The following HDGF variants were observed in gnomAD, a reference collection of about 807,000 sequenced individuals.
The protein encoded by HDGF is hepatoma-derived growth factor.
A neutral mutation model predicts 30.0 loss-of-function variants in HDGF; 5 were observed. The ratio of observed to expected loss-of-function variants is 0.17; its 90% CI spans 0.09 to 0.35. HDGF has a LOEUF of 0.35. Ranked by LOEUF, HDGF falls within the 10% of genes least tolerant of loss-of-function variation. The probability of loss-of-function intolerance (pLI) is 1.00; values close to 1 mark genes in which losing one functional copy is unlikely to be tolerated. For missense variants in HDGF, 214 were observed against 302.8 expected, an observed-to-expected ratio of 0.71 and a Z score of 2.18; for synonymous variants, 133 against 112.7, an observed-to-expected ratio of 1.18 and a Z score of -1.14.
chr1:156,756,740 C>T (rs1380179734), upstream of HDGF, among the ~76,000 whole-genome samples: 3 of 151,260 alleles, frequency 2.0e-5, no homozygotes, highest in Admixed American at 6.6e-5. Context: ...TTTTCTAACT[C>T]CTCTGTATAT....
In HDGF at chr1:156,743,672, TGGGGCCTCAGCATCTTCCTTG is replaced by T. The variant is rs1237867913; in HGVS notation, c.675_695del (p.Lys226_Pro232del). 1.2e-6 allele frequency: 2 copies of T among 1,611,170 alleles called. No individual in the cohort carries two copies. The highest frequency in any genetic ancestry group is 4.5e-5 in the East Asian group (2 of 44,860). ...CTCACCTCTCATGATCTCTGATGCCTGGGGCCTCAGCATCTTCCTTGGTAGCCTCTTCCTCTTCATCCTCCT... is the reference window on the plus strand; with the variant it reads ...CTCACCTCTCATGATCTCTGATGCCTGTAGCCTCTTCCTCTTCATCCTCCT... On this transcript the variant is annotated inframe_deletion, in exon 5 of 6. Transcript: ENST00000357325.
chr1:156,758,598 A>AAAAAAAG (rs577631183), intron 2 of HDGF, among the ~76,000 whole-genome samples: 1 of 26,350 alleles, frequency 3.8e-5, no homozygotes, highest in Admixed American at 3.8e-4. Flanking sequence ...GTCTCAAAAA[A>AAAAAAAG]AAAAATAAAT....
At position 156,751,144 on chromosome 1, in the gene HDGF, A is replaced by T. The variant is rs189848164; in HGVS notation, c.87+199T>A. Among the ~76,000 whole-genome samples, 147 of 151,700 alleles carry T rather than the reference A, an allele frequency of 9.7e-4. No homozygotes were observed. Among genetic ancestry groups the T allele is most frequent in the African/African-American group, 3.4e-3 (142 of 41,374 alleles). On this transcript the variant is annotated intron_variant, in intron 1 of 5. Coordinates refer to ENST00000357325, the MANE Select transcript of HDGF (RefSeq NM_004494.3). The surrounding 1 kb of genome is among the most constrained non-coding windows in gnomAD (Gnocchi z 4.7). ...ACTACGCGCGGACGCCGTGCCCGCC[A>T]GGTGTCTACCCCCACCCCCGCCCGC...
chr1:156,762,563 T>C (rs1013777111), intron 1 of HDGF, among the ~76,000 whole-genome samples: 13 of 151,770 alleles, frequency 8.6e-5, no homozygotes, highest in African/African-American at 2.9e-4. Context: ...TGGTTGGGGC[T>C]TGTCATACTA....
chr1:156,744,966 C>A, intron 3 of HDGF, 42 bp downstream of exon 3: 1 of 1,611,192 alleles, frequency 6.2e-7, no homozygotes, highest in African/African-American at 1.3e-5. Context: ...CCCACAGCCA[C>A]ATCTGCTTTC....
intron 1 of HDGF, among the ~76,000 whole-genome samples, chr1:156,749,892 G>C (rs1558035902): frequency 6.6e-6 from 1 of 152,216 alleles, no homozygotes; most frequent in Non-Finnish European, 1.5e-5. Flanking sequence ...CTACCCACCA[G>C]GGCCTTGGCA....
chr1:156,755,326 CAAG>C (rs1359928361), upstream of HDGF, among the ~76,000 whole-genome samples: 3 of 152,010 alleles, frequency 2.0e-5, no homozygotes, highest in African/African-American at 7.3e-5. Flanking sequence ...CTGTACGGAT[CAAG>C]AAGGAGCTGA....
chr1:156,757,613 T>G (rs960064617), intron 2 of HDGF, among the ~76,000 whole-genome samples: 2 of 151,914 alleles, frequency 1.3e-5, no homozygotes, highest in Non-Finnish European at 2.9e-5. Flanking sequence ...GCCAACATGG[T>G]GAAACCCCAC....
At chr1:156,747,440 G>C (rs1055626343) in intron 1 of HDGF, 2 of 152,094 alleles carry the variant, frequency 1.3e-5, no homozygotes, top group African/African-American at 4.9e-5. Flanking sequence ...CAGACCTGGA[G>C]CAGGGACAGA....
intron 1 of HDGF, among the ~76,000 whole-genome samples, chr1:156,761,481 C>T (rs1375723103): frequency 4.0e-5 from 6 of 150,120 alleles, no homozygotes; most frequent in Non-Finnish European, 7.4e-5. Flanking sequence ...TGGTGGTGGA[C>T]GCCTGTAATC....
chr1:156,751,307 G>C lies in HDGF; in HGVS notation c.87+36C>G. On this transcript the variant is annotated intron_variant, in intron 1 of 5. Transcript: ENST00000357325. The surrounding 1 kb of genome is among the most constrained non-coding windows in gnomAD (Gnocchi z 4.7). ...TCCCGGTGTTATGCAACCCAAGCCC[G>C]CAGGGGGTTAGGGGGCGGCGGGCCG... 1 of 1,596,732 alleles carries C rather than the reference G, an allele frequency of 6.3e-7. No individual in the cohort carries two copies. The highest frequency in any genetic ancestry group is 1.1e-5 in the South Asian group (1 of 89,590).
intron 1 of HDGF, among the ~76,000 whole-genome samples, chr1:156,746,134 C>A (rs985533166): frequency 2.0e-5 from 3 of 152,150 alleles, no homozygotes; most frequent in Non-Finnish European, 4.4e-5. Flanking sequence ...CTGGCCTGGC[C>A]GACTCCCTAG....
chr1:156,744,615 G>C, intron 3 of HDGF: 1 of 1,365,506 alleles, frequency 7.3e-7, no homozygotes, highest in Non-Finnish European at 9.7e-7. Flanking sequence ...CCCAAAGGGA[G>C]CTAGGACCCT....
chr1:156,743,828 C>T lies in HDGF; in HGVS notation c.540G>A (p.Lys180=), dbSNP rs1650310743. Residue 180 remains lysine, a synonymous_variant, in exon 5 of 6, where the codon AAG becomes AAA. Coordinates refer to ENST00000357325, the MANE Select transcript of HDGF (RefSeq NM_004494.3). ...TCTCAACCTCCAAGGTGGCTGCCTC[C>T]TTCTCCTCTCCTTCAGGGTTTTCTG... ...KEAENPEGEE[K]EAATLEVERP... 1 of 1,612,532 alleles carries T rather than the reference C, an allele frequency of 6.2e-7. No homozygotes were observed. Among genetic ancestry groups the T allele is most frequent in the African/African-American group, 1.3e-5 (1 of 74,982 alleles).
rs750867560 is a variant in HDGF at position 156,745,311 on chromosome 1, G to A, written c.150C>T (p.Phe50=). ...STANKYQVFF[F]GTHETAFLGP... The stretch of plus-strand genomic sequence containing the variant: ...CCTCCACTCACGTCTCGTGGGTCCC[G>A]AAAAAAAAGACTTGGTATTTGTTGG... The change falls in exon 2 of 6, where the codon TTC becomes TTT. Residue 50 remains phenylalanine (F), a synonymous_variant. Coordinates refer to ENST00000357325, the MANE Select transcript of HDGF (RefSeq NM_004494.3). The A allele has an allele frequency of 1.6e-5, 26 of 1,612,378 alleles. No individual in the cohort carries two copies. The highest frequency in any genetic ancestry group is 4.0e-5 in the African/African-American group (3 of 74,652).
At chr1:156,751,722 C>G (rs962715716), upstream of HDGF, 182 of 1,185,580 alleles carry the variant, frequency 1.5e-4, 2 homozygotes, top group African/African-American at 2.0e-4. The surrounding 1 kb of genome is among the most constrained non-coding windows in gnomAD (Gnocchi z 4.7). Context: ...CCTCCACCCC[C>G]CGCCCGGTCC....
rs116078160 is a variant in HDGF, at chr1:156,748,531, G to C, written c.87+2812C>G. ...CTACCTCTTAACCATTCCAGATCCA[G>C]GCAAGTTACTTATTCTTAGGCCTTG... is the stretch of plus-strand genomic sequence containing the variant. On this transcript the variant is annotated intron_variant, in intron 1 of 5. Transcript: ENST00000357325. Among the ~76,000 whole-genome samples the C allele has an allele frequency of 9.8e-3, 1,495 of 152,290 alleles. 17 individuals carry two copies. Among genetic ancestry groups the C allele is most frequent in the Non-Finnish European group, 0.014 (966 of 68,032 alleles).
chr1:156,750,086 G>A (rs1187997728), intron 1 of HDGF, among the ~76,000 whole-genome samples: 1 of 152,174 alleles, frequency 6.6e-6, no homozygotes, highest in Non-Finnish European at 1.5e-5. Context: ...CACTCCTGAG[G>A]AGTGGGTACA....
At chr1:156,745,603 C>T (rs572416103) in intron 1 of HDGF, among the ~76,000 whole-genome samples, 4 of 152,318 alleles carry the variant, frequency 2.6e-5, no homozygotes, top group South Asian at 2.1e-4. Flanking sequence ...ACCAGCCAGA[C>T]AGCACCCATT....
Sources: gnomAD v4.1 joint callset for allele counts (sites outside exome capture counted in the v4.1 genomes callset) on GRCh38, gnomAD v4.1.1 for gene constraint, Gnocchi (gnomAD v3.1) non-coding constraint, MANE v1.5 for transcripts, NCBI Gene and HGNC (gene_info 2026-07-23, HGNC 2026-07-21) for gene names.